Variants in COBL observed in about 807,000 individuals in gnomAD.
COBL encodes protein cordon-bleu.
Under a neutral mutation model 98.8 loss-of-function variants are expected in COBL, and 51 were observed. The ratio of observed to expected loss-of-function variants is 0.52; its 90% CI spans 0.41 to 0.65. The LOEUF (loss-of-function observed/expected upper bound fraction) is 0.65, where lower values mean the gene tolerates loss of function less well. Among genes scored for constraint, COBL ranks in the 30% least tolerant of loss-of-function variants. The pLI is 0.00. For missense variants in COBL, 1,617 were observed against 1,617.5 expected, an observed-to-expected ratio of 1.00 and a Z score of 0.01; for synonymous variants, 634 against 651.7, an observed-to-expected ratio of 0.97 and a Z score of 0.41.
chr7:51,156,205 C>CAT, intron 5 of COBL: 1 of 985,326 alleles, frequency 1.0e-6, no homozygotes, highest in Non-Finnish European at 1.2e-6. Context: ...CACACACACA[C>CAT]ACACACAAAA....
intron 2 of COBL, among the ~76,000 whole-genome samples, chr7:51,195,623 C>T (rs939388736): frequency 6.6e-6 from 1 of 151,966 alleles, no homozygotes; most frequent in African/African-American, 2.4e-5. Flanking sequence ...CCATTTTTAA[C>T]AATATTGATC....
intron 6 of COBL, among the ~76,000 whole-genome samples, chr7:51,126,068 C>T (rs926548101): frequency 1.3e-5 from 2 of 152,226 alleles, no homozygotes; most frequent in African/African-American, 2.4e-5. Context: ...GTGGCTCACA[C>T]TGTAATCCCA....
chr7:51,305,118 T>C (rs571377715), intron 1 of COBL, among the ~76,000 whole-genome samples: 47 of 152,360 alleles, frequency 3.1e-4, no homozygotes, highest in African/African-American at 1.1e-3. Context: ...TCTGTTTCAA[T>C]TATATGTCAC....
intron 1 of COBL, among the ~76,000 whole-genome samples, chr7:51,221,773 ATTAC>A (rs1793663133): frequency 1.3e-5 from 2 of 152,232 alleles, no homozygotes; most frequent in African/African-American, 4.8e-5. Flanking sequence ...TTGTATATGT[ATTAC>A]TTATAAAATG....
chr7:51,069,567 C>G (rs1055146076), intron 7 of COBL, among the ~76,000 whole-genome samples: 1 of 152,228 alleles, frequency 6.6e-6, no homozygotes, highest in Admixed American at 6.5e-5. Context: ...TTTACACATT[C>G]CAGGAAGAAC....
rs1790053701 is a variant in COBL, at chr7:51,190,946, G to A, written c.589C>T (p.Leu197Phe). 1 of 1,614,042 alleles carries A rather than the reference G, an allele frequency of 6.2e-7. No individual in the cohort carries two copies. Among genetic ancestry groups the A allele is most frequent in the African/African-American group, 1.3e-5 (1 of 74,926 alleles). ...KCEVSPEHVV[L>F]LRDNIAGEEL... is the part of the protein sequence containing the mutation. ...TCTCCGGCAATGTTGTCCCTGAGGAGAACCACGTGCTCTGGGCTGACCTCA... is the reference window on the plus strand; with the variant it reads ...TCTCCGGCAATGTTGTCCCTGAGGAAAACCACGTGCTCTGGGCTGACCTCA... Residue 197 changes from leucine to phenylalanine, a missense_variant, in exon 4 of 13, where the codon CTC (leucine) becomes TTC (phenylalanine). Coordinates refer to ENST00000265136, the MANE Select transcript of COBL (RefSeq NM_015198.5).
intron 12 of COBL, among the ~76,000 whole-genome samples, chr7:51,018,891 CAA>C (rs11433270): frequency 3.8e-3 from 26 of 6,830 alleles, no homozygotes; most frequent in East Asian, 0.021. Flanking sequence ...AACTCCATCT[CAA>C]AAAAAAAAAA....
intron 1 of COBL, among the ~76,000 whole-genome samples, chr7:51,224,938 C>T (rs1249668078): frequency 3.3e-5 from 5 of 149,982 alleles, no homozygotes; most frequent in Admixed American, 3.3e-4. Flanking sequence ...GTGTGGGCGG[C>T]CCGTGCATGC....
intron 1 of COBL, among the ~76,000 whole-genome samples, chr7:51,275,386 G>A (rs1799204453): frequency 6.6e-6 from 1 of 152,200 alleles, no homozygotes; most frequent in Non-Finnish European, 1.5e-5. Flanking sequence ...CTATGTCAAG[G>A]TTCAGTACTC....
rs1449557313 is a variant in COBL at position 51,158,280 on chromosome 7, G to A, written c.784-21949C>T. 9.9e-5 allele frequency among the ~76,000 whole-genome samples: 15 copies of A among 152,094 alleles called. 1 individual carries two copies. In the South Asian group the frequency reaches 2.7e-3, roughly 27 times the overall value. ...GTAATCTACTATGAATTGGTACCAT[G>A]CAAAATTTCAAAAAGGAGAAGAGAC... On this transcript the variant is annotated intron_variant, in intron 5 of 12. Transcript: ENST00000265136.
At chr7:51,067,222 T>C (rs149441471) in intron 7 of COBL, among the ~76,000 whole-genome samples, 1 of 152,372 alleles carries the variant, frequency 6.6e-6, no homozygotes, top group African/African-American at 2.4e-5. Flanking sequence ...ACACACAGTG[T>C]ATACACATGG....
At chr7:51,189,938 C>T (rs115437485) in intron 4 of COBL, among the ~76,000 whole-genome samples, 3,516 of 152,300 alleles carry the variant, frequency 0.023, 144 homozygotes, top group African/African-American at 0.08. Context: ...GTCTCTGCAC[C>T]AGCAAGGCCT....
intron 7 of COBL, among the ~76,000 whole-genome samples, chr7:51,084,834 C>T (rs1794040536): frequency 6.6e-6 from 1 of 152,046 alleles, no homozygotes; most frequent in South Asian, 2.1e-4. Flanking sequence ...ACGATGTCAC[C>T]CTAGGAACTT....
At chr7:51,269,206 A>T (rs1161281805) in intron 1 of COBL, among the ~76,000 whole-genome samples, 1 of 152,216 alleles carries the variant, frequency 6.6e-6, no homozygotes, top group Non-Finnish European at 1.5e-5. Flanking sequence ...CAGGGAAGGA[A>T]GGACGGGTAC....
intron 12 of COBL, among the ~76,000 whole-genome samples, chr7:51,017,878 T>C (rs1340001976): frequency 6.6e-6 from 1 of 152,202 alleles, no homozygotes; most frequent in Non-Finnish European, 1.5e-5. Context: ...TCTTGGGCTG[T>C]GTGGGTACGC....
chr7:51,306,381 T>C (rs943683229), intron 1 of COBL, among the ~76,000 whole-genome samples: 13 of 152,186 alleles, frequency 8.5e-5, no homozygotes, highest in Admixed American at 8.5e-4. Flanking sequence ...TGTATAAAGT[T>C]ACCCAAAGAA....
At chr7:51,096,578 T>A (rs1299541808) in intron 6 of COBL, among the ~76,000 whole-genome samples, 1 of 151,902 alleles carries the variant, frequency 6.6e-6, no homozygotes, top group East Asian at 1.9e-4. Flanking sequence ...TCAGTTTTTT[T>A]AAAAGATCAA....
chr7:51,021,847 C>T (rs1179251589), intron 12 of COBL, among the ~76,000 whole-genome samples: 1 of 152,166 alleles, frequency 6.6e-6, no homozygotes, highest in East Asian at 1.9e-4. Flanking sequence ...CCTGTGACCA[C>T]AGGTCTACTC....
intron 6 of COBL, among the ~76,000 whole-genome samples, chr7:51,125,305 G>A (rs115238719): frequency 2.6e-5 from 4 of 152,282 alleles, no homozygotes; most frequent in African/African-American, 4.8e-5. Flanking sequence ...GCAAGGCCAC[G>A]GCAGCAAGAC....
Sources: gnomAD v4.1 joint callset for allele counts (sites outside exome capture counted in the v4.1 genomes callset) on GRCh38, gnomAD v4.1.1 for gene constraint, MANE v1.5 for transcripts, NCBI Gene and HGNC (gene_info 2026-07-23, HGNC 2026-07-21) for gene names.